Variants in SLC4A5 observed in about 807,000 individuals in gnomAD.
The protein encoded by SLC4A5 is electrogenic sodium bicarbonate cotransporter 4.
Under a neutral mutation model 120.4 loss-of-function variants are expected in SLC4A5, and 96 were observed. The observed-to-expected ratio is 0.80, with a 90% CI of 0.68 to 0.94. The LOEUF is 0.94. SLC4A5 is among the 40% of genes least tolerant of loss of function. SLC4A5 has a pLI of 0.00. For synonymous variants in SLC4A5, 550 were observed against 571.1 expected (o/e 0.96, Z 0.53); for missense variants, 1,259 against 1,459.5 (o/e 0.86, Z 2.24).
intron 19 of SLC4A5, among the ~76,000 whole-genome samples, chr2:74,244,480 TC>T (rs781110900): frequency 1.2e-4 from 14 of 121,122 alleles, no homozygotes; most frequent in African/African-American, 2.5e-4. Context: ...CTTTCTTTCT[TC>T]TCCTTTCTCT....
chr2:74,290,942 C>T (rs897481735), intron 7 of SLC4A5, among the ~76,000 whole-genome samples: 2 of 152,080 alleles, frequency 1.3e-5, no homozygotes, highest in Non-Finnish European at 2.9e-5. Context: ...CCAGGGCCTC[C>T]TTAGGAGCCT....
chr2:74,248,072 A>G (rs1670672745), intron 18 of SLC4A5, among the ~76,000 whole-genome samples: 1 of 152,264 alleles, frequency 6.6e-6, no homozygotes, highest in South Asian at 2.1e-4. Flanking sequence ...CATACACTAT[A>G]CTGCCTATCA....
At chr2:74,306,388 C>T (rs1431936379) in intron 6 of SLC4A5, among the ~76,000 whole-genome samples, 1 of 152,196 alleles carries the variant, frequency 6.6e-6, no homozygotes, top group Non-Finnish European at 1.5e-5. Context: ...ACATTCCAAG[C>T]TTGTGGTAAG....
chr2:74,219,273 C>T (rs1694547408), intron 30 of SLC4A5, among the ~76,000 whole-genome samples: 1 of 149,984 alleles, frequency 6.7e-6, no homozygotes. Flanking sequence ...CCTGAAATGC[C>T]TTTTCTTTTC....
At chr2:74,245,249 G>C (rs1352235426) in intron 19 of SLC4A5, among the ~76,000 whole-genome samples, 2 of 152,150 alleles carry the variant, frequency 1.3e-5, no homozygotes, top group Admixed American at 1.3e-4. Context: ...AACCCAGGAG[G>C]CAGAGGTTGC....
intron 22 of SLC4A5, among the ~76,000 whole-genome samples, chr2:74,234,466 C>T (rs184045387): frequency 4.7e-4 from 71 of 152,258 alleles, no homozygotes; most frequent in Non-Finnish European, 7.9e-4. Flanking sequence ...CGTGAGCCAC[C>T]GCACCTGGCC....
chr2:74,316,612 C>T (rs1672973191), intron 5 of SLC4A5, among the ~76,000 whole-genome samples: 1 of 152,180 alleles, frequency 6.6e-6, no homozygotes, highest in Admixed American at 6.5e-5. Context: ...TAAAGCCAGG[C>T]CAGGCAAGGG....
At chr2:74,268,622 G>T (rs1299161315) in intron 8 of SLC4A5, among the ~76,000 whole-genome samples, 1 of 152,240 alleles carries the variant, frequency 6.6e-6, no homozygotes, top group Non-Finnish European at 1.5e-5. Flanking sequence ...ACTCTCAGAA[G>T]TGGAATTACT....
chr2:74,286,097 A>G (rs887678491), intron 7 of SLC4A5, among the ~76,000 whole-genome samples, 195 bp from the exon 8 acceptor site: 2 of 152,210 alleles, frequency 1.3e-5, no homozygotes, highest in Non-Finnish European at 2.9e-5. Context: ...TTTAAGATAA[A>G]AGAGATGAAA....
intron 6 of SLC4A5, among the ~76,000 whole-genome samples, chr2:74,310,852 T>C (rs1411360065): frequency 6.6e-6 from 1 of 152,122 alleles, no homozygotes; most frequent in African/African-American, 2.4e-5. Context: ...TTCTATTTTC[T>C]GGAAGAGATT....
At chr2:74,309,428 T>A (rs1206146782) in intron 6 of SLC4A5, among the ~76,000 whole-genome samples, 2 of 152,184 alleles carry the variant, frequency 1.3e-5, no homozygotes, top group African/African-American at 4.8e-5. Flanking sequence ...TTGTAGTAGC[T>A]TTACAGTAAG....
In SLC4A5 at chr2:74,286,642, T is replaced by A. The variant is rs941996387; in HGVS notation, c.272-740A>T. On this transcript the variant is annotated intron_variant, in intron 7 of 30. Transcript: ENST00000394019. ...TTGCTCTCTTGAGCATGTCCTCTAG[T>A]GATAGAGACAGAGAATAAACAAGTC... Among the ~76,000 whole-genome samples, 7 of 152,210 alleles carry A rather than the reference T, an allele frequency of 4.6e-5. No homozygotes were observed. The East Asian group carries it at 1.2e-3, about 25-fold the overall frequency.
chr2:74,283,123 A>G (rs867162542), intron 8 of SLC4A5, among the ~76,000 whole-genome samples: 8 of 152,198 alleles, frequency 5.3e-5, no homozygotes, highest in African/African-American at 1.9e-4. Context: ...AGTCACTGGA[A>G]GTTAGAGACA....
At chr2:74,261,368 G>A (rs1671129658) in intron 11 of SLC4A5, among the ~76,000 whole-genome samples, 1 of 152,200 alleles carries the variant, frequency 6.6e-6, no homozygotes, top group South Asian at 2.1e-4. Flanking sequence ...GACAGAGAGA[G>A]AAGACTGCAG....
chr2:74,331,220 A>G (rs1423532613), intron 4 of SLC4A5, among the ~76,000 whole-genome samples: 2 of 147,462 alleles, frequency 1.4e-5, no homozygotes, highest in Non-Finnish European at 3.0e-5. Flanking sequence ...GTGGTGAGGT[A>G]TAGGTGAGGG....
chr2:74,313,729 A>G (rs766054130), intron 6 of SLC4A5, among the ~76,000 whole-genome samples: 7 of 152,190 alleles, frequency 4.6e-5, no homozygotes, highest in East Asian at 1.9e-4. Flanking sequence ...GCAAGCTGCA[A>G]TTTGAGATAA....
intron 12 of SLC4A5, among the ~76,000 whole-genome samples, chr2:74,257,130 G>C (rs1483320028): frequency 6.6e-6 from 1 of 152,080 alleles, no homozygotes; most frequent in Non-Finnish European, 1.5e-5. Flanking sequence ...CCCCACAGCT[G>C]TTTCCCAATT....
At chr2:74,333,686 C>T (rs1284749037) in intron 4 of SLC4A5, among the ~76,000 whole-genome samples, 4 of 152,168 alleles carry the variant, frequency 2.6e-5, no homozygotes, top group Admixed American at 2.6e-4. Context: ...CAATCCCTTG[C>T]AGATGCTGAG....
intron 3 of SLC4A5, among the ~76,000 whole-genome samples, chr2:74,335,328 T>C (rs75076203): frequency 3.5e-4 from 54 of 152,274 alleles, no homozygotes; most frequent in African/African-American, 1.3e-3. Flanking sequence ...GCACACACTA[T>C]TGGGAATCAT....
Sources: gnomAD v4.1 joint callset for allele counts (sites outside exome capture counted in the v4.1 genomes callset) on GRCh38, gnomAD v4.1.1 for gene constraint, MANE v1.5 for transcripts, NCBI Gene and HGNC (gene_info 2026-07-23, HGNC 2026-07-21) for gene names.